INPP4B: variants seen among roughly 807,000 people sequenced by gnomAD.
The protein encoded by INPP4B is inositol polyphosphate 4-phosphatase type II.
A neutral mutation model predicts 122.5 loss-of-function variants in INPP4B; 55 were observed. The ratio of observed to expected loss-of-function variants is 0.45; its 90% confidence interval spans 0.36 to 0.56. INPP4B has a LOEUF of 0.56. Among genes scored for constraint, INPP4B ranks in the 20% least tolerant of loss-of-function variants. INPP4B has a pLI of 0.00. For missense variants in INPP4B, 1,000 were observed against 1,097.7 expected, an observed-to-expected ratio of 0.91 and a Z score of 1.26; for synonymous variants, 403 against 388.7, an observed-to-expected ratio of 1.04 and a Z score of -0.43.
intron 25 of INPP4B, among the ~76,000 whole-genome samples, chr4:142,059,712 G>C (rs1560972796): frequency 6.6e-6 from 1 of 152,036 alleles, no homozygotes; most frequent in Non-Finnish European, 1.5e-5. Context: ...AATCAACCAA[G>C]GTCAGCCTAC....
At chr4:142,146,113 G>C in intron 17 of INPP4B, 117 bp from the exon 18 acceptor site, 2 of 1,117,284 alleles carry the variant, frequency 1.8e-6, no homozygotes, top group Non-Finnish European at 2.6e-6. Context: ...TGCAGATTGA[G>C]TAGCTCTAAA....
intron 25 of INPP4B, among the ~76,000 whole-genome samples, chr4:142,031,955 A>G (rs1740493479): frequency 6.6e-6 from 1 of 152,202 alleles, no homozygotes; most frequent in Admixed American, 6.5e-5. Context: ...GAAAAATAAT[A>G]ACATCTGATA....
In INPP4B at chr4:142,300,376, T is replaced by TTTG. The variant is rs568737253; in HGVS notation, c.503+5079_503+5081dup. On this transcript the variant is annotated intron_variant, in intron 9 of 25. Transcript: ENST00000262992. ...AGACTACGTTAAAAATATGTGGAATTTTGTTGTTGTTGTTGTTGTTCTTTT... is the reference window on the plus strand; with the variant it reads ...AGACTACGTTAAAAATATGTGGAATTTTGTTGTTGTTGTTGTTGTTGTTCTTTT... Among the ~76,000 whole-genome samples the TTTG allele has an allele frequency of 4.9e-3, 747 of 152,240 alleles. 8 individuals carry two copies. Among genetic ancestry groups the TTTG allele is most frequent in the African/African-American group, 0.017 (710 of 41,534 alleles).
At chr4:142,783,877 T>A (rs1252139551) in intron 1 of INPP4B, among the ~76,000 whole-genome samples, 1 of 152,126 alleles carries the variant, frequency 6.6e-6, no homozygotes, top group Non-Finnish European at 1.5e-5. Context: ...AAAGACAGAA[T>A]GTTTGCAAAC....
chr4:142,666,649 G>T (rs1238342607), intron 2 of INPP4B, among the ~76,000 whole-genome samples: 2 of 152,020 alleles, frequency 1.3e-5, no homozygotes, highest in Non-Finnish European at 2.9e-5. Context: ...CTGTGTGTGT[G>T]TGTGCACATG....
At chr4:142,636,345 GAAAT>G in intron 2 of INPP4B, among the ~76,000 whole-genome samples, 1 of 151,874 alleles carries the variant, frequency 6.6e-6, no homozygotes, top group East Asian at 1.9e-4. Flanking sequence ...CAAATACCTA[GAAAT>G]AAACAAAATA....
At chr4:142,100,259 C>A (rs2152635822) in intron 23 of INPP4B, among the ~76,000 whole-genome samples, 1 of 152,176 alleles carries the variant, frequency 6.6e-6, no homozygotes, top group East Asian at 1.9e-4. Context: ...TAGAAGCCAG[C>A]CTGTTGCTTC....
intron 1 of INPP4B, among the ~76,000 whole-genome samples, chr4:142,802,079 C>T (rs1470786912): frequency 6.6e-6 from 1 of 152,098 alleles, no homozygotes; most frequent in Non-Finnish European, 1.5e-5. Flanking sequence ...ACGATCTCAT[C>T]CTCCTCAAAG....
At chr4:142,312,591 G>T (rs1366387601) in intron 8 of INPP4B, among the ~76,000 whole-genome samples, 1 of 152,140 alleles carries the variant, frequency 6.6e-6, no homozygotes, top group East Asian at 1.9e-4. Context: ...ACCACACAAT[G>T]GAACAGCCTG....
intron 1 of INPP4B, among the ~76,000 whole-genome samples, chr4:142,806,774 AG>A (rs1778825768): frequency 1.1e-5 from 1 of 89,172 alleles, no homozygotes; most frequent in Non-Finnish European, 2.5e-5. Flanking sequence ...GAAGAAAGAA[AG>A]AAAGAAAGAA....
At position 142,510,535 on chromosome 4, in the gene INPP4B, A is replaced by G. The variant is rs147320567; in HGVS notation, c.-190-47809T>C. Among the ~76,000 whole-genome samples the G allele has an allele frequency of 1.3e-3, 191 of 152,350 alleles. 1 individual carries two copies. Among genetic ancestry groups the G allele is most frequent in the Non-Finnish European group, 1.5e-3 (104 of 68,016 alleles). On this transcript the variant is annotated intron_variant, in intron 2 of 25. Transcript: ENST00000262992. The stretch of plus-strand genomic sequence containing the variant: ...AACGCCTCTTTTGCACATAGCTTGA[A>G]AACCTGTATCAGGATAAGCTGGCTC...
At chr4:142,728,865 A>G (rs575210046) in intron 1 of INPP4B, among the ~76,000 whole-genome samples, 1 of 152,200 alleles carries the variant, frequency 6.6e-6, no homozygotes, top group Non-Finnish European at 1.5e-5. Context: ...GTAATGTGTT[A>G]TGGCAGTCAA....
At chr4:142,309,799 T>C (rs1764783733) in intron 8 of INPP4B, among the ~76,000 whole-genome samples, 2 of 152,232 alleles carry the variant, frequency 1.3e-5, no homozygotes, top group Non-Finnish European at 2.9e-5. Flanking sequence ...AATTGTTTGC[T>C]GCATGATTTC....
intron 12 of INPP4B, among the ~76,000 whole-genome samples, chr4:142,236,424 C>CT (rs1856717969): frequency 6.6e-6 from 1 of 152,150 alleles, no homozygotes; most frequent in Non-Finnish European, 1.5e-5. Context: ...AAACCCACTT[C>CT]AGGATAACTT....
At chr4:142,642,056 T>A (rs937443421) in intron 2 of INPP4B, among the ~76,000 whole-genome samples, 3 of 152,188 alleles carry the variant, frequency 2.0e-5, no homozygotes, top group Admixed American at 1.3e-4. Flanking sequence ...TTGGCTGCAT[T>A]GATGTCTTCT....
intron 18 of INPP4B, among the ~76,000 whole-genome samples, chr4:142,140,996 AG>A (rs1224315202): frequency 6.6e-6 from 1 of 152,206 alleles, no homozygotes; most frequent in Admixed American, 6.5e-5. Flanking sequence ...ACAAACTAGA[AG>A]ATGTTCAGAG....
At chr4:142,685,538 A>G (rs1247097661) in intron 2 of INPP4B, among the ~76,000 whole-genome samples, 1 of 152,136 alleles carries the variant, frequency 6.6e-6, no homozygotes. Context: ...CAAGTGGTCA[A>G]GAGTTTCACT....
chr4:142,499,904 C>T (rs747347974), intron 2 of INPP4B, among the ~76,000 whole-genome samples: 1 of 152,122 alleles, frequency 6.6e-6, no homozygotes, highest in Non-Finnish European at 1.5e-5. Flanking sequence ...TGATCAAAAC[C>T]CTATCACTAT....
intron 2 of INPP4B, among the ~76,000 whole-genome samples, chr4:142,464,244 G>A (rs1383295238): frequency 6.6e-6 from 1 of 151,932 alleles, no homozygotes; most frequent in African/African-American, 2.4e-5. Context: ...TTATTATCAG[G>A]AATAGTTTTC....
Sources: gnomAD v4.1 joint callset for allele counts (sites outside exome capture counted in the v4.1 genomes callset) on GRCh38, gnomAD v4.1.1 for gene constraint, MANE v1.5 for transcripts, NCBI Gene and HGNC (gene_info 2026-07-23, HGNC 2026-07-21) for gene names.